The following TMIGD1 variants were observed in gnomAD, a reference collection of about 807,000 sequenced individuals.
TMIGD1 encodes transmembrane and immunoglobulin domain containing 1.
Under a neutral mutation model 27.5 loss-of-function variants are expected in TMIGD1, and 29 were observed. The observed-to-expected ratio is 1.05, with a 90% CI of 0.78 to 1.44. TMIGD1 has a LOEUF of 1.44. Ranked by LOEUF, TMIGD1 falls within the 40% of genes most tolerant of loss-of-function variation. The pLI, the probability that TMIGD1 is intolerant of heterozygous loss-of-function variation, is 0.00. For missense variants in TMIGD1, 334 were observed against 310.6 expected (o/e 1.08, Z -0.57); for synonymous variants, 109 against 110.3 (o/e 0.99, Z 0.07).
rs1163244035 is a variant in TMIGD1 at position 30,325,239 on chromosome 17, G to A, written c.362-145C>T. 1.3e-5 allele frequency: 10 copies of A among 762,918 alleles called. No individual in the cohort carries two copies. The South Asian group carries it at 1.9e-4, about 15-fold the overall frequency. 47.3% of individuals were successfully genotyped at this position (762,918 alleles called of 1,614,324 possible). ...AATACGTACGGTGTGACAAGCACTG[G>A]GGTAACAAGGGCAAATAACACTTCC... On this transcript the variant is annotated intron_variant, in intron 3 of 6. Coordinates refer to ENST00000328886, the MANE Select transcript of TMIGD1 (RefSeq NM_206832.3).
At chr17:30,324,357 C>T (rs1021081764) in intron 4 of TMIGD1, among the ~76,000 whole-genome samples, 1 of 152,098 alleles carries the variant, frequency 6.6e-6, no homozygotes, top group African/African-American at 2.4e-5. Context: ...TTATTTTTTC[C>T]TACTCTCTCT....
intron 4 of TMIGD1, among the ~76,000 whole-genome samples, chr17:30,322,980 A>G (rs546086677): frequency 1.3e-5 from 2 of 152,190 alleles, no homozygotes; most frequent in African/African-American, 4.8e-5. Context: ...GACCAGCCTG[A>G]TCCACATGGC....
At chr17:30,324,257 C>A (rs1909702585) in intron 4 of TMIGD1, among the ~76,000 whole-genome samples, 1 of 152,104 alleles carries the variant, frequency 6.6e-6, no homozygotes, top group South Asian at 2.1e-4. Flanking sequence ...GAGGGAAAAC[C>A]CCACAGAGCA....
chr17:30,319,261 A>AAAAAAAATATATATATATAT, intron 4 of TMIGD1, among the ~76,000 whole-genome samples: 4 of 69,046 alleles, frequency 5.8e-5, no homozygotes, highest in East Asian at 2.6e-4. Context: ...AAAAAAAAAA[A>AAAAAAAATATATATATATAT]ATATATATAT....
rs758219700 is a variant in TMIGD1 at position 30,324,886 on chromosome 17, G to T, written c.570C>A (p.Asn190Lys). The change falls in exon 4 of 7, where the codon AAC becomes AAA. Residue 190 changes from asparagine to lysine, a missense_variant. Physicochemically the swap from Asn to Lys is moderately conservative, Grantham distance 94. Transcript: ENST00000328886. Reference protein sequence around the residue: ...LSITKVEKPDNGTYSCIAKSS... With the variant: ...LSITKVEKPDKGTYSCIAKSS... ...ACTTTGCAATACAACTGTAGGTTCC[G>T]TTGTCAGGCTTCTCGACTTTGGTGA... The T allele has an allele frequency of 6.8e-6, 11 of 1,614,024 alleles. No homozygotes were observed. Among genetic ancestry groups the T allele is most frequent in the Non-Finnish European group, 9.3e-6 (11 of 1,180,016 alleles).
intron 1 of TMIGD1, 33 bp downstream of exon 1, chr17:30,333,967 C>T (rs1910066729): frequency 6.6e-6 from 1 of 152,456 alleles, no homozygotes; most frequent in Non-Finnish European, 1.5e-5. Flanking sequence ...GTATGACTCT[C>T]TACTTTCTAT....
intron 2 of TMIGD1, among the ~76,000 whole-genome samples, chr17:30,330,331 C>T (rs933583111): frequency 2.0e-5 from 3 of 151,918 alleles, no homozygotes; most frequent in Non-Finnish European, 2.9e-5. Flanking sequence ...TACACACACA[C>T]GCATGCATAT....
chr17:30,327,892 A>G (rs1053699119), intron 3 of TMIGD1, among the ~76,000 whole-genome samples: 2 of 152,060 alleles, frequency 1.3e-5, no homozygotes, highest in Admixed American at 1.3e-4. Context: ...CCAACAACCC[A>G]TGTGATCATC....
chr17:30,323,793 A>T (rs575148525), intron 4 of TMIGD1, among the ~76,000 whole-genome samples: 42 of 150,856 alleles, frequency 2.8e-4, no homozygotes, highest in Non-Finnish European at 5.4e-4. Context: ...CTTCTATCTC[A>T]TGGGTATTCA....
At chr17:30,321,105 G>T (rs1375930269) in intron 4 of TMIGD1, among the ~76,000 whole-genome samples, 1 of 151,916 alleles carries the variant, frequency 6.6e-6, no homozygotes, top group Non-Finnish European at 1.5e-5. Flanking sequence ...TGATCTGCCT[G>T]CCTTGGCCTC....
chr17:30,326,680 A>G (rs866222567), intron 3 of TMIGD1, among the ~76,000 whole-genome samples: 5 of 152,332 alleles, frequency 3.3e-5, no homozygotes, highest in East Asian at 1.9e-4. Flanking sequence ...CAATGCTACA[A>G]TAAACATCCT....
Position 30,316,541 on chromosome 17 carries a change from T to C in TMIGD1, c.*146A>G. ...AAAATGTTCCACAAGTGTATCAAAT[T>C]AGTCCTAACAACTACTGTTAAGTGA... On this transcript the variant is annotated 3_prime_UTR_variant, in exon 7 of 7. Transcript: ENST00000328886. 1.4e-6 allele frequency: 1 copy of C among 733,640 alleles called. No homozygotes were observed. Among genetic ancestry groups the C allele is most frequent in the Non-Finnish European group, 2.2e-6 (1 of 446,684 alleles). 45.4% of individuals were successfully genotyped at this position (733,640 alleles called of 1,614,324 possible).
chr17:30,320,067 T>C (rs2143138782), intron 4 of TMIGD1, among the ~76,000 whole-genome samples: 1 of 152,108 alleles, frequency 6.6e-6, no homozygotes, highest in South Asian at 2.1e-4. Context: ...GACGGAGTTT[T>C]GCTCCTGTTG....
Position 30,316,538 on chromosome 17 carries a change from A to C in TMIGD1, c.*149T>G, listed in dbSNP as rs1174752696. ...ATAAAAATGTTCCACAAGTGTATCAAATTAGTCCTAACAACTACTGTTAAG... is the reference window on the plus strand; with the variant it reads ...ATAAAAATGTTCCACAAGTGTATCACATTAGTCCTAACAACTACTGTTAAG... On this transcript the variant is annotated 3_prime_UTR_variant, in exon 7 of 7. Coordinates refer to ENST00000328886, the MANE Select transcript of TMIGD1 (RefSeq NM_206832.3). 1.4e-6 allele frequency: 1 copy of C among 725,334 alleles called. No individual in the cohort carries two copies. Among genetic ancestry groups the C allele is most frequent in the African/African-American group, 1.8e-5 (1 of 55,686 alleles). The allele number at this position is 725,334 out of a possible 1,614,324, so 44.9% of individuals were successfully genotyped here.
intron 3 of TMIGD1, among the ~76,000 whole-genome samples, chr17:30,328,420 T>C (rs367856824): frequency 6.6e-5 from 10 of 152,150 alleles, no homozygotes; most frequent in Non-Finnish European, 1.3e-4. Flanking sequence ...CATTTAAAAT[T>C]TCAATATGGC....
intron 3 of TMIGD1, among the ~76,000 whole-genome samples, chr17:30,325,742 T>C (rs1339025727): frequency 6.6e-6 from 1 of 152,160 alleles, no homozygotes; most frequent in Non-Finnish European, 1.5e-5. Flanking sequence ...TGGTAACATA[T>C]TCACCAATGC....
At chr17:30,325,947 T>C (rs560121657) in intron 3 of TMIGD1, among the ~76,000 whole-genome samples, 1 of 152,288 alleles carries the variant, frequency 6.6e-6, no homozygotes, top group Admixed American at 6.5e-5. Flanking sequence ...CTGTGCATAT[T>C]CTGGCAGAAG....
Position 30,329,379 on chromosome 17 carries a change from G to C in TMIGD1, c.233C>G (p.Ser78Cys), listed in dbSNP as rs1909898921. The C allele has an allele frequency of 6.2e-7, 1 of 1,614,002 alleles. No individual in the cohort carries two copies. The highest frequency in any genetic ancestry group is 2.2e-5 in the East Asian group (1 of 44,892). ...YREEGRVDLK[S>C]GNKINSSSVC... ...AGAGCTGGAATTGATTTTGTTTCCA[G>C]ATTTCAAATCCACTCTCCCCTCCTC... is the stretch of plus-strand genomic sequence containing the variant. Residue 78 changes from serine (S) to cysteine (C), a missense_variant, in exon 3 of 7, where the codon TCT (serine) becomes TGT (cysteine). Transcript: ENST00000328886.
chr17:30,317,318 A>C lies in TMIGD1; in HGVS notation c.745-85T>G, dbSNP rs528863166. ...GAATGCATTAAGATGGCTCGAGGAC[A>C]GGTGTGTGTCCTGTGCACACCTCTG... is the stretch of plus-strand genomic sequence containing the variant. On this transcript the variant is annotated intron_variant, in intron 5 of 6. Coordinates refer to ENST00000328886, the MANE Select transcript of TMIGD1 (RefSeq NM_206832.3). 2.0e-6 allele frequency: 3 copies of C among 1,489,238 alleles called. No individual in the cohort carries two copies. In the African/African-American group the frequency reaches 4.1e-5, roughly 21 times the overall value. The allele number at this position is 1,489,238 out of a possible 1,614,324, so 92.3% of individuals were successfully genotyped here. A position where few individuals can be genotyped will look rare whatever the true frequency, so the allele number is the denominator to read the frequency against.
Sources: gnomAD v4.1 joint callset for allele counts (sites outside exome capture counted in the v4.1 genomes callset) on GRCh38, gnomAD v4.1.1 for gene constraint, MANE v1.5 for transcripts, NCBI Gene and HGNC (gene_info 2026-07-23, HGNC 2026-07-21) for gene names.